Variants in SPTBN5 observed in about 807,000 individuals in gnomAD.
The protein encoded by SPTBN5 is spectrin beta chain, non-erythrocytic 5.
SPTBN5 carries 513 observed loss-of-function variants against 477.6 expected under a neutral mutation model. The observed-to-expected ratio is 1.07, with a 90% CI of 1.00 to 1.16. The LOEUF is 1.16. Ranked by LOEUF, SPTBN5 falls within the 50% of genes most tolerant of loss-of-function variation. SPTBN5 has a pLI of 0.00. For synonymous variants in SPTBN5, 2,169 were observed against 2,011.7 expected (o/e 1.08, Z -2.09); for missense variants, 5,062 against 4,731.8 (o/e 1.07, Z -2.05).
intron 32 of SPTBN5, among the ~76,000 whole-genome samples, chr15:41,869,285 G>A (rs540557986): frequency 1.1e-4 from 16 of 152,208 alleles, no homozygotes; most frequent in Non-Finnish European, 1.6e-4. Context: ...CCTTTTTGCA[G>A]TGTCAGTTTG....
intron 12 of SPTBN5, 116 bp from the exon 13 acceptor site, chr15:41,881,350 G>C (rs754439961): frequency 6.2e-6 from 5 of 812,348 alleles, no homozygotes; most frequent in East Asian, 2.6e-5. Context: ...GTAGCTCAAA[G>C]GGTGTGTGGG....
Position 41,890,143 on chromosome 15 carries a change from T to C in SPTBN5, c.447A>G (p.Gly149=), listed in dbSNP as rs1196112680. 6.2e-6 allele frequency: 10 copies of C among 1,613,164 alleles called. No homozygotes were observed. The highest frequency in any genetic ancestry group is 8.5e-6 in the Non-Finnish European group (10 of 1,179,640). ...IVDGDQTLIL[G]LIWVIILRFQ... ...AACGCAGAATGATGACCCAGATGAG[T>C]CCCAGGATGAGTGTCTGGTCTCCGT... Residue 149 remains glycine, a synonymous_variant, in exon 4 of 68, where the codon GGA becomes GGG. Transcript: ENST00000320955.
In SPTBN5 at chr15:41,856,906, G is replaced by A; in HGVS notation, c.8755C>T (p.Gln2919Ter). ...VQEKLPLAAA[Q>*]DYGQSLSAVR... Reference sequence around the variant, plus strand: ...GCACTCAGGCTCTGGCCATAGTCCTGGGCAGCGGCCAGAGGCAGCTTCTCC... The same window carrying A: ...GCACTCAGGCTCTGGCCATAGTCCTAGGCAGCGGCCAGAGGCAGCTTCTCC... Residue 2919 changes from glutamine to a stop codon, truncating the protein, a stop_gained, in exon 52 of 68, where the codon CAG becomes TAG. Transcript: ENST00000320955. LOFTEE classifies it high-confidence loss of function. 2 of 1,553,710 alleles carry A rather than the reference G, an allele frequency of 1.3e-6. No individual in the cohort carries two copies. The highest frequency in any genetic ancestry group is 2.4e-5 in the South Asian group (2 of 84,290).
At position 41,862,269 on chromosome 15, in the gene SPTBN5, T is replaced by G. The variant is rs750707718; in HGVS notation, c.7409A>C (p.His2470Pro). The G allele has an allele frequency of 2.7e-5, 43 of 1,607,608 alleles. No individual in the cohort carries two copies. The highest frequency in any genetic ancestry group is 2.5e-6 in the Non-Finnish European group (3 of 1,176,990). ...CATTGCCTGGAGTTTCTGAGCTTGGTGCAAGGCATCCAGCGCCTCCCTCCT... is the reference window on the plus strand; with the variant it reads ...CATTGCCTGGAGTTTCTGAGCTTGGGGCAAGGCATCCAGCGCCTCCCTCCT... ...QKRREALDALHQAQKLQAMLQ... is the reference protein window; with the variant it reads ...QKRREALDALPQAQKLQAMLQ... The change falls in exon 44 of 68, where the codon CAC becomes CCC. Residue 2470 changes from histidine to proline, a missense_variant. By Grantham distance (77) the His-to-Pro change is moderately conservative. Transcript: ENST00000320955.
chr15:41,860,118 C>T (rs1278625979), intron 47 of SPTBN5, among the ~76,000 whole-genome samples: 1 of 152,202 alleles, frequency 6.6e-6, no homozygotes, highest in Non-Finnish European at 1.5e-5. Context: ...TGCTAGCCTG[C>T]CTGTGGGGCC....
intron 12 of SPTBN5, among the ~76,000 whole-genome samples, chr15:41,881,656 G>A (rs538354437): frequency 2.6e-5 from 4 of 152,190 alleles, no homozygotes; most frequent in Admixed American, 1.3e-4. Context: ...GACCTTCCTG[G>A]AGGAAAGTGC....
chr15:41,857,813 G>A (rs79269602), intron 49 of SPTBN5, 103 bp from the exon 50 acceptor site: 28 of 1,376,990 alleles, frequency 2.0e-5, no homozygotes, highest in African/African-American at 1.0e-4. Flanking sequence ...GAGTCCCTGC[G>A]GTCCAGCTGC....
chr15:41,890,672 C>T (rs933757691), intron 3 of SPTBN5, among the ~76,000 whole-genome samples: 4 of 152,244 alleles, frequency 2.6e-5, no homozygotes, highest in Non-Finnish European at 4.4e-5. Flanking sequence ...TCTTCTGTTC[C>T]GGCTCCAACA....
rs375935714 is a variant in SPTBN5 at position 41,860,252 on chromosome 15, C to CT, written c.7988+333dup. Among the ~76,000 whole-genome samples the CT allele has an allele frequency of 4.7e-3, 721 of 152,348 alleles. 5 individuals carry two copies. The highest frequency in any genetic ancestry group is 0.016 in the African/African-American group (676 of 41,582). On this transcript the variant is annotated intron_variant, in intron 47 of 67. Coordinates refer to ENST00000320955, the MANE Select transcript of SPTBN5 (RefSeq NM_016642.4). Reference sequence around the variant, plus strand: ...AGCACAGGGACTCAGGACTGTGACCCTGGAAGGCCGATGCTTGACCTCTGT... The same window carrying CT: ...AGCACAGGGACTCAGGACTGTGACCCTTGGAAGGCCGATGCTTGACCTCTGT...
At chr15:41,876,691 C>T (rs1365109062) in intron 19 of SPTBN5, 44 bp from the exon 20 acceptor site, 1 of 1,554,518 alleles carries the variant, frequency 6.4e-7, no homozygotes, top group Admixed American at 1.7e-5. Flanking sequence ...GGAGAGGACT[C>T]CCACCCCAGC....
intron 16 of SPTBN5, among the ~76,000 whole-genome samples, chr15:41,878,883 C>T (rs927095019): frequency 7.2e-5 from 11 of 152,084 alleles, no homozygotes; most frequent in East Asian, 5.8e-4. Context: ...CCGGCTAAAA[C>T]GGTGAAACCC....
chr15:41,868,309 C>T, intron 33 of SPTBN5, 89 bp downstream of exon 33: 1 of 1,561,004 alleles, frequency 6.4e-7, no homozygotes, highest in Non-Finnish European at 8.7e-7. Context: ...GAGGAGAGGC[C>T]AGCATGGCAC....
At position 41,852,927 on chromosome 15, in the gene SPTBN5, C is replaced by T. The variant is rs777639676; in HGVS notation, c.10244G>A (p.Arg3415His). 7.5e-6 allele frequency: 12 copies of T among 1,590,270 alleles called. No individual in the cohort carries two copies. Among genetic ancestry groups the T allele is most frequent in the Middle Eastern group, 1.7e-4 (1 of 5,984 alleles). Residue 3415 changes from arginine to histidine, a missense_variant, in exon 60 of 68, where the codon CGC becomes CAC. Transcript: ENST00000320955. Reference sequence around the variant, plus strand: ...CTGCAGGCCCCAGCTCTCGGCACAGCGTTGCCAGCGCAGGGCCCAAGCCTC... The same window carrying T: ...CTGCAGGCCCCAGCTCTCGGCACAGTGTTGCCAGCGCAGGGCCCAAGCCTC... Reference protein sequence around the residue: ...LEEAWALRWQRCAESWGLQKL... With the variant: ...LEEAWALRWQHCAESWGLQKL...
chr15:41,858,537 T>C, intron 49 of SPTBN5, 65 bp downstream of exon 49: 1 of 1,550,018 alleles, frequency 6.5e-7, no homozygotes, highest in Non-Finnish European at 8.7e-7. Flanking sequence ...GCACCAGCTC[T>C]GGGGCACTGT....
rs749834779 is a variant in SPTBN5 at position 41,882,143 on chromosome 15, G to A, written c.2250C>T (p.Tyr750=). ...RLQTALLVLQ[Y]FADAAEAASW... The stretch of plus-strand genomic sequence containing the variant: ...AAGCCGCCTCCGCCGCGTCCGCGAA[G>A]TACTGTGGGAGGGGGTCGGGGGTGG... The change falls in exon 12 of 68, where the codon TAC becomes TAT. Residue 750 remains tyrosine (Y), a splice_region_variant and synonymous_variant. Transcript: ENST00000320955. The A allele has an allele frequency of 6.4e-7, 1 of 1,571,730 alleles. No individual in the cohort carries two copies. Among genetic ancestry groups the A allele is most frequent in the Non-Finnish European group, 8.5e-7 (1 of 1,169,662 alleles).
In SPTBN5 at chr15:41,871,912, CG is replaced by C. The variant is rs2066552660; in HGVS notation, c.5170del (p.Arg1724GlyfsTer7). 1 of 1,575,424 alleles carries C rather than the reference CG, an allele frequency of 6.3e-7. No individual in the cohort carries two copies. The highest frequency in any genetic ancestry group is 1.4e-5 in the African/African-American group (1 of 73,930). On this transcript the variant is annotated frameshift_variant, in exon 28 of 68. Transcript: ENST00000320955. LOFTEE classifies it high-confidence loss of function. ...ALQELAATRDRELEGTLRLHE... is the reference protein window; with the variant it reads ...ALQELAATRDXELEGTLRLHE... ...CAGCCTCAGGGTCCCCTCCAGTTCC[CG>C]GTCCCTGTGGTAACAGTCCGTGGTT...
chr15:41,861,450 TTGC>T lies in SPTBN5; in HGVS notation c.7781_7783del (p.Ser2594del). Reference sequence around the variant, plus strand: ...ACCCTCACTGGCTAGGGAGTCTTCCTTGCTGCAAAGCCAACGTTCCATCTTCTC... The same window carrying T: ...ACCCTCACTGGCTAGGGAGTCTTCCTTGCAAAGCCAACGTTCCATCTTCTC... On this transcript the variant is annotated inframe_deletion, in exon 46 of 68. Coordinates refer to ENST00000320955, the MANE Select transcript of SPTBN5 (RefSeq NM_016642.4). The T allele has an allele frequency of 6.2e-7, 1 of 1,613,674 alleles. No individual in the cohort carries two copies. Among genetic ancestry groups the T allele is most frequent in the Non-Finnish European group, 8.5e-7 (1 of 1,179,892 alleles).
chr15:41,856,987 G>A lies in SPTBN5; in HGVS notation c.8674C>T (p.Arg2892Trp), dbSNP rs925390429. ...CTGAAGAACTTCAAGAGGAGGCTCC[G>A]GGCCTCCAGGGCCGTCCTGCGCTCC... ...LQERRTALEARSLLLKFFRDA... is the reference protein window; with the variant it reads ...LQERRTALEAWSLLLKFFRDA... Residue 2892 changes from arginine (R) to tryptophan (W), a missense_variant, in exon 52 of 68, where the codon CGG becomes TGG. Physicochemically the swap from Arg to Trp is moderately radical, Grantham distance 101. Transcript: ENST00000320955. The A allele has an allele frequency of 2.7e-5, 44 of 1,602,752 alleles. No individual in the cohort carries two copies. The highest frequency in any genetic ancestry group is 3.5e-5 in the Non-Finnish European group (41 of 1,175,572).
intron 60 of SPTBN5, 36 bp from the exon 61 acceptor site, chr15:41,852,771 G>GC (rs747784330): frequency 7.0e-6 from 11 of 1,570,178 alleles, no homozygotes; most frequent in African/African-American, 6.1e-5. Context: ...GCCCAGCTTG[G>GC]GGGGGGGGGC....
Sources: gnomAD v4.1 joint callset for allele counts (sites outside exome capture counted in the v4.1 genomes callset) on GRCh38, gnomAD v4.1.1 for gene constraint, MANE v1.5 for transcripts, NCBI Gene and HGNC (gene_info 2026-07-23, HGNC 2026-07-21) for gene names.